Variants in GREM1 observed in about 807,000 individuals in gnomAD.
GREM1 encodes the protein gremlin-1.
In GREM1, 6 loss-of-function variants were observed where a neutral mutation model predicts 13.1. The observed-to-expected ratio is 0.46, with a 90% CI of 0.25 to 0.91. The LOEUF is 0.91. GREM1 is among the 40% of genes least tolerant of loss of function. The probability of loss-of-function intolerance (pLI) is 0.18; values close to 1 mark genes in which losing one functional copy is unlikely to be tolerated. For missense variants in GREM1, 185 were observed against 233.9 expected, an observed-to-expected ratio of 0.79 and a Z score of 1.36; for synonymous variants, 98 against 93.7, an observed-to-expected ratio of 1.05 and a Z score of -0.27.
At chr15:32,725,255 G>A (rs184628738) in intron 1 of GREM1, among the ~76,000 whole-genome samples, 48 of 152,278 alleles carry the variant, frequency 3.2e-4, no homozygotes, top group Admixed American at 1.6e-3. Flanking sequence ...CCCACCAACA[G>A]TGTAAAAGCA....
rs2055650206 is a variant in GREM1 at position 32,733,191 on chromosome 15, CT to C, written c.*1947del. On this transcript the variant is annotated 3_prime_UTR_variant, in exon 2 of 2. Transcript: ENST00000651154. ...ACATAGTGTGTGTGTTTTGTATACACTGTATGACCCCACCCCAAATCTTTGT... is the reference window on the plus strand; with the variant it reads ...ACATAGTGTGTGTGTTTTGTATACACGTATGACCCCACCCCAAATCTTTGT... 4.4e-6 allele frequency: 1 copy of C among 227,390 alleles called. No homozygotes were observed. The highest frequency in any genetic ancestry group is 2.3e-5 in the African/African-American group (1 of 44,200). 14.1% of individuals were successfully genotyped at this position (227,390 alleles called of 1,614,324 possible).
At chr15:32,718,690 G>A in intron 1 of GREM1, 1 of 353,690 alleles carries the variant, frequency 2.8e-6, no homozygotes, top group Non-Finnish European at 5.6e-6. Flanking sequence ...GTGTGCATTT[G>A]CCGATCCCCG....
chr15:32,721,190 G>T (rs2055399912), intron 1 of GREM1, among the ~76,000 whole-genome samples: 1 of 152,016 alleles, frequency 6.6e-6, no homozygotes, highest in Admixed American at 6.6e-5. Flanking sequence ...ACAAAAAAAT[G>T]CTGGCTTTCC....
At position 32,744,918 on chromosome 15, in the gene GREM1, T is replaced by C. The variant is rs2055793201; in HGVS notation, c.*13673T>C. The C allele has an allele frequency of 6.6e-6, 1 of 152,202 alleles. No individual in the cohort carries two copies. Among genetic ancestry groups the C allele is most frequent in the Admixed American group, 6.5e-5 (1 of 15,286 alleles). The allele number at this position is 152,202 out of a possible 1,614,324, so 9.4% of individuals were successfully genotyped here. On this transcript the variant is annotated 3_prime_UTR_variant, in exon 2 of 2. Coordinates refer to ENST00000651154, the MANE Select transcript of GREM1 (RefSeq NM_013372.7). ...CTCCACATCTCCAATCCTGGCATTG[T>C]CTGCTTTGTTACTTGTTAAAAACTT...
chr15:32,731,920 C>T lies in GREM1; in HGVS notation c.*675C>T, dbSNP rs955176157. 11 of 232,618 alleles carry T rather than the reference C, an allele frequency of 4.7e-5. No homozygotes were observed. Among genetic ancestry groups the T allele is most frequent in the African/African-American group, 2.0e-4 (9 of 44,346 alleles). 14.4% of individuals were successfully genotyped at this position (232,618 alleles called of 1,614,324 possible). ...GAGAAAGGGAGGGTGGAGGGTGAGG[C>T]CAAATCAGGTCCAGCAAAAGTCAGT... On this transcript the variant is annotated 3_prime_UTR_variant, in exon 2 of 2. Coordinates refer to ENST00000651154, the MANE Select transcript of GREM1 (RefSeq NM_013372.7).
At position 32,731,552 on chromosome 15, in the gene GREM1, G is replaced by A. The variant is rs1444667407; in HGVS notation, c.*307G>A. On this transcript the variant is annotated 3_prime_UTR_variant, in exon 2 of 2. Transcript: ENST00000651154. ...GGCTCACATCTAAAGGGGCGGGGCC[G>A]TGGTCTGGTTCTGACTTTGTGTTTT... is the stretch of plus-strand genomic sequence containing the variant. 1.4e-5 allele frequency: 6 copies of A among 421,214 alleles called. No homozygotes were observed. Among genetic ancestry groups the A allele is most frequent in the Non-Finnish European group, 2.6e-5 (6 of 228,058 alleles). The allele number at this position is 421,214 out of a possible 1,614,324, so 26.1% of individuals were successfully genotyped here.
rs866196963 is a variant in GREM1, at chr15:32,736,171, G to A, written c.*4926G>A. 6.6e-6 allele frequency: 1 copy of A among 152,170 alleles called. No homozygotes were observed. Among genetic ancestry groups the A allele is most frequent in the South Asian group, 2.1e-4 (1 of 4,834 alleles). The allele number at this position is 152,170 out of a possible 1,614,324, so 9.4% of individuals were successfully genotyped here. On this transcript the variant is annotated 3_prime_UTR_variant, in exon 2 of 2. Transcript: ENST00000651154. ...TTGACCTGTTTGGCAGGCCCTGGAA[G>A]CTCCACTTGCAAGGCTATATTTGAC...
At chr15:32,726,018 C>A (rs565708888) in intron 1 of GREM1, among the ~76,000 whole-genome samples, 1 of 152,110 alleles carries the variant, frequency 6.6e-6, no homozygotes, top group South Asian at 2.1e-4. Flanking sequence ...ATACCAGTAC[C>A]GTGCTGTTTT....
intron 1 of GREM1, chr15:32,718,454 C>T: frequency 2.1e-6 from 1 of 470,872 alleles, no homozygotes; most frequent in South Asian, 1.5e-5. Flanking sequence ...CCCGAACACG[C>T]TCCTGGTGCT....
intron 1 of GREM1, among the ~76,000 whole-genome samples, chr15:32,730,095 C>T (rs2055589662): frequency 6.6e-6 from 1 of 152,208 alleles, no homozygotes; most frequent in South Asian, 2.1e-4. Flanking sequence ...AAAGTGACAT[C>T]TTTAAGATCA....
intron 1 of GREM1, among the ~76,000 whole-genome samples, chr15:32,728,935 TTAA>T (rs1187288713): frequency 6.6e-6 from 1 of 152,172 alleles, no homozygotes; most frequent in African/African-American, 2.4e-5. Context: ...TACTCAAAGC[TTAA>T]TAAAAAGGCA....
At chr15:32,730,033 G>C (rs1467250823) in intron 1 of GREM1, among the ~76,000 whole-genome samples, 2 of 152,158 alleles carry the variant, frequency 1.3e-5, no homozygotes, top group Non-Finnish European at 2.9e-5. Flanking sequence ...AGCGTACCTG[G>C]GGAGACGAAG....
In GREM1 at chr15:32,732,531, G is replaced by T; in HGVS notation, c.*1286G>T. ...AAGGAAATAAAGGGAATTGCCTCTGGCTAGAGAGTAGTTAGGTGTTAATAC... is the reference window on the plus strand; with the variant it reads ...AAGGAAATAAAGGGAATTGCCTCTGTCTAGAGAGTAGTTAGGTGTTAATAC... On this transcript the variant is annotated 3_prime_UTR_variant, in exon 2 of 2. Coordinates refer to ENST00000651154, the MANE Select transcript of GREM1 (RefSeq NM_013372.7). 4.1e-6 allele frequency: 1 copy of T among 245,888 alleles called. No individual in the cohort carries two copies. Among genetic ancestry groups the T allele is most frequent in the Non-Finnish European group, 8.6e-6 (1 of 116,666 alleles). 15.2% of individuals were successfully genotyped at this position (245,888 alleles called of 1,614,324 possible). A position where few individuals can be genotyped will look rare whatever the true frequency, so the allele number is the denominator to read the frequency against.
At position 32,735,274 on chromosome 15, in the gene GREM1, A is replaced by G. The variant is rs1239022028; in HGVS notation, c.*4029A>G. On this transcript the variant is annotated 3_prime_UTR_variant, in exon 2 of 2. Transcript: ENST00000651154. ...AGGTATGGGTGCTCTGATGATAATGAAAATCCCAGCAGCTATGTATGGGAT... is the reference window on the plus strand; with the variant it reads ...AGGTATGGGTGCTCTGATGATAATGGAAATCCCAGCAGCTATGTATGGGAT... The G allele has an allele frequency of 6.6e-6, 1 of 152,158 alleles. No individual in the cohort carries two copies. Among genetic ancestry groups the G allele is most frequent in the Admixed American group, 6.5e-5 (1 of 15,276 alleles). The allele number at this position is 152,158 out of a possible 1,614,324, so 9.4% of individuals were successfully genotyped here. A position where few individuals can be genotyped will look rare whatever the true frequency, so the allele number is the denominator to read the frequency against.
Position 32,731,711 on chromosome 15 carries a change from T to C in GREM1, c.*466T>C, listed in dbSNP as rs539427805. The stretch of plus-strand genomic sequence containing the variant: ...TTTTAACCTGTGCTTGCATCCTCCT[T>C]TCCTCCTCCTCCTCACAATCCATCT... On this transcript the variant is annotated 3_prime_UTR_variant, in exon 2 of 2. Coordinates refer to ENST00000651154, the MANE Select transcript of GREM1 (RefSeq NM_013372.7). 7 of 250,402 alleles carry C rather than the reference T, an allele frequency of 2.8e-5. No homozygotes were observed. In the East Asian group the frequency reaches 4.4e-4, roughly 16 times the overall value. 15.5% of individuals were successfully genotyped at this position (250,402 alleles called of 1,614,324 possible).
chr15:32,724,790 C>G (rs965307337), intron 1 of GREM1, among the ~76,000 whole-genome samples: 3 of 151,754 alleles, frequency 2.0e-5, no homozygotes, highest in Non-Finnish European at 4.4e-5. Flanking sequence ...CCTTCCCTAG[C>G]CCCCCACCCC....
In GREM1 at chr15:32,731,168, G is replaced by A; in HGVS notation, c.478G>A (p.Glu160Lys). The A allele has an allele frequency of 6.2e-7, 1 of 1,614,148 alleles. No individual in the cohort carries two copies. Among genetic ancestry groups the A allele is most frequent in the Non-Finnish European group, 8.5e-7 (1 of 1,180,010 alleles). ...TTMMVTLNCP[E>K]LQPPTKKKRV... is the part of the protein sequence containing the mutation. ...CATGATGGTCACACTCAACTGCCCT[G>A]AACTACAGCCACCTACCAAGAAGAA... The change falls in exon 2 of 2, where the codon GAA becomes AAA. Residue 160 changes from glutamate to lysine, a missense_variant. Glu to Lys is a moderately conservative substitution (Grantham distance 56). Transcript: ENST00000651154.
chr15:32,725,965 C>T (rs2140679769), intron 1 of GREM1, among the ~76,000 whole-genome samples: 1 of 152,248 alleles, frequency 6.6e-6, no homozygotes, highest in East Asian at 1.9e-4. Flanking sequence ...GGTGTTATTT[C>T]TGAGGCCTCT....
chr15:32,742,534 C>G lies in GREM1; in HGVS notation c.*11289C>G, dbSNP rs1316845067. ...ACAGAAATAGAATAATTCTAAAATTCATCTGAAGCCACAAAAGACAATGAA... is the reference window on the plus strand; with the variant it reads ...ACAGAAATAGAATAATTCTAAAATTGATCTGAAGCCACAAAAGACAATGAA... On this transcript the variant is annotated 3_prime_UTR_variant, in exon 2 of 2. Transcript: ENST00000651154. 6.6e-6 allele frequency: 1 copy of G among 152,114 alleles called. No individual in the cohort carries two copies. The highest frequency in any genetic ancestry group is 1.5e-5 in the Non-Finnish European group (1 of 68,004). The allele number at this position is 152,114 out of a possible 1,614,324, so 9.4% of individuals were successfully genotyped here.
Sources: allele counts gnomAD v4.1 joint callset (sites outside exome capture counted in the v4.1 genomes callset), GRCh38; gene constraint gnomAD v4.1.1; transcripts MANE v1.5; gene names NCBI Gene and HGNC (gene_info 2026-07-23, HGNC 2026-07-21).